The following ATXN1 variants were observed in gnomAD, a reference collection of about 807,000 sequenced individuals.
ATXN1 encodes ataxin-1.
In ATXN1, 8 loss-of-function variants were observed where a neutral mutation model predicts 56.4. The ratio of observed to expected loss-of-function variants is 0.14; its 90% confidence interval spans 0.08 to 0.26. ATXN1 has a LOEUF of 0.26. Ranked by LOEUF, ATXN1 falls within the 10% of genes least tolerant of loss-of-function variation. ATXN1 has a pLI of 1.00. For missense variants in ATXN1, 987 were observed against 1,106.5 expected (o/e 0.89, Z 1.53); for synonymous variants, 514 against 494.6 (o/e 1.04, Z -0.52).
chr6:16,711,999 C>G (rs1054277317), intron 2 of ATXN1, among the ~76,000 whole-genome samples: 1 of 151,918 alleles, frequency 6.6e-6, no homozygotes, highest in Non-Finnish European at 1.5e-5. Flanking sequence ...GTATGAAGCT[C>G]AAGAACAAAC....
At chr6:16,601,497 CT>C (rs5874565) in intron 3 of ATXN1, among the ~76,000 whole-genome samples, 15,797 of 152,110 alleles carry the variant, frequency 0.1, 1,133 homozygotes, top group East Asian at 0.43. Context: ...TAAAATGCAT[CT>C]ATTTTCTATT....
chr6:16,488,568 C>T (rs190362094), intron 5 of ATXN1, among the ~76,000 whole-genome samples: 8 of 152,276 alleles, frequency 5.3e-5, no homozygotes, highest in Non-Finnish European at 1.0e-4. Context: ...TTTTCTTCTT[C>T]CCTATCATCC....
chr6:16,333,741 G>A (rs1186896342), intron 6 of ATXN1, among the ~76,000 whole-genome samples: 1 of 152,216 alleles, frequency 6.6e-6, no homozygotes, highest in African/African-American at 2.4e-5. Flanking sequence ...ATACCTGGGT[G>A]TGAGGACAGA....
chr6:16,323,902 T>C (rs1422371775), intron 7 of ATXN1, among the ~76,000 whole-genome samples: 1 of 152,184 alleles, frequency 6.6e-6, no homozygotes, highest in Non-Finnish European at 1.5e-5. Context: ...AGCTGTATTA[T>C]TATGCCATTT....
At chr6:16,414,827 C>A (rs559758075) in intron 6 of ATXN1, among the ~76,000 whole-genome samples, 36 of 152,278 alleles carry the variant, frequency 2.4e-4, no homozygotes, top group African/African-American at 8.7e-4. Flanking sequence ...TGTTGGTGGA[C>A]TGGAATGTTT....
At chr6:16,446,768 C>A (rs764576775) in intron 6 of ATXN1, among the ~76,000 whole-genome samples, 2 of 151,982 alleles carry the variant, frequency 1.3e-5, no homozygotes, top group Non-Finnish European at 2.9e-5. Flanking sequence ...TCAACAAGTA[C>A]ATAGTCTTAA....
In ATXN1 at chr6:16,299,365, C is replaced by A. The variant is rs1350999702; in HGVS notation, c.*6964G>T. On this transcript the variant is annotated 3_prime_UTR_variant, in exon 8 of 8. Coordinates refer to ENST00000436367, the MANE Select transcript of ATXN1 (RefSeq NM_001128164.2). ...ATTAGAAAATAGAATATGAATTCTTCCATTTTTTAATATTTGTTTAAAAAA... is the reference window on the plus strand; with the variant it reads ...ATTAGAAAATAGAATATGAATTCTTACATTTTTTAATATTTGTTTAAAAAA... 6.6e-6 allele frequency: 1 copy of A among 152,626 alleles called. No homozygotes were observed. The highest frequency in any genetic ancestry group is 6.5e-5 in the Admixed American group (1 of 15,286). The allele number at this position is 152,626 out of a possible 1,614,324, so 9.5% of individuals were successfully genotyped here.
At chr6:16,468,694 T>C (rs1247871082) in intron 6 of ATXN1, among the ~76,000 whole-genome samples, 2 of 152,154 alleles carry the variant, frequency 1.3e-5, no homozygotes, top group African/African-American at 4.8e-5. Flanking sequence ...GAGGCAAAAG[T>C]CACTCCCCTT....
At chr6:16,393,106 T>C (rs1362180684) in intron 6 of ATXN1, among the ~76,000 whole-genome samples, 10 of 152,174 alleles carry the variant, frequency 6.6e-5, no homozygotes, top group Admixed American at 6.5e-4. Context: ...CACAAGCACA[T>C]ATTGACTTTT....
intron 2 of ATXN1, among the ~76,000 whole-genome samples, chr6:16,698,650 T>TAAAAAAAAAAAAAAAAAAA (rs11311429): frequency 7.4e-6 from 1 of 135,352 alleles, no homozygotes. Context: ...CCTCAAAAAT[T>TAAAAAAAAAAAAAAAAAAA]AAAAAAAAAA....
chr6:16,732,984 C>T (rs944663506), intron 2 of ATXN1, among the ~76,000 whole-genome samples: 1 of 152,156 alleles, frequency 6.6e-6, no homozygotes, highest in Admixed American at 6.5e-5. Flanking sequence ...CAACCAAAAC[C>T]AAAAGCCTCT....
intron 6 of ATXN1, among the ~76,000 whole-genome samples, chr6:16,434,160 G>A (rs1055539497): frequency 2.6e-5 from 4 of 152,130 alleles, no homozygotes; most frequent in African/African-American, 9.7e-5. Context: ...ACCCAGTTAA[G>A]TCTTAATTAT....
intron 5 of ATXN1, among the ~76,000 whole-genome samples, chr6:16,499,926 T>C (rs1760851686): frequency 6.6e-6 from 1 of 152,188 alleles, no homozygotes; most frequent in African/African-American, 2.4e-5. Context: ...TACTAATGTC[T>C]GGGTTCCACC....
At chr6:16,699,245 G>T (rs1759232112) in intron 2 of ATXN1, among the ~76,000 whole-genome samples, 1 of 152,208 alleles carries the variant, frequency 6.6e-6, no homozygotes, top group East Asian at 1.9e-4. Context: ...CCAGCAAAAT[G>T]TTGCTGTCAT....
At chr6:16,364,241 A>G (rs1463838712) in intron 6 of ATXN1, among the ~76,000 whole-genome samples, 1 of 152,104 alleles carries the variant, frequency 6.6e-6, no homozygotes, top group Non-Finnish European at 1.5e-5. Context: ...TAATTCCCCA[A>G]ACTGAATTGC....
At chr6:16,357,640 C>A (rs1295712177) in intron 6 of ATXN1, among the ~76,000 whole-genome samples, 1 of 152,160 alleles carries the variant, frequency 6.6e-6, no homozygotes, top group Non-Finnish European at 1.5e-5. Flanking sequence ...ATTACACTTT[C>A]CACTCTACAC....
rs529559451 is a variant in ATXN1 at position 16,347,231 on chromosome 6, C to T, written c.-160-18761G>A. ...CCAAGGACTGAGGAGTGCGGGCGCA[C>T]GGCACTGGCAGGCAGCTCCACCTAC... is the stretch of plus-strand genomic sequence containing the variant. On this transcript the variant is annotated intron_variant, in intron 6 of 7. Transcript: ENST00000436367. Among the ~76,000 whole-genome samples the T allele has an allele frequency of 7.9e-5, 12 of 152,368 alleles. No homozygotes were observed. The South Asian group carries it at 1.9e-3, about 24-fold the overall frequency.
rs150050637 is a variant in ATXN1, at chr6:16,327,998, C to G, written c.313G>C (p.Ala105Pro). ...SVPVATTLPAAYATPQPGTPV... is the reference protein window; with the variant it reads ...SVPVATTLPAPYATPQPGTPV... ...GTCCCTGGCTGCGGGGTGGCGTACG[C>G]GGCAGGCAGCGTGGTGGCCACGGGG... Residue 105 changes from alanine (A) to proline (P), a missense_variant, in exon 7 of 8, where the codon GCG becomes CCG. Around this residue, in one of 3 missense-constraint regions of ATXN1, gnomAD observed 723 missense variants for 791.7 expected, o/e 0.91. Coordinates refer to ENST00000436367, the MANE Select transcript of ATXN1 (RefSeq NM_001128164.2). 5.1e-5 allele frequency: 83 copies of G among 1,613,374 alleles called. No homozygotes were observed. The highest frequency in any genetic ancestry group is 6.6e-5 in the Non-Finnish European group (78 of 1,179,732).
At chr6:16,348,544 C>CA (rs957789064) in intron 6 of ATXN1, among the ~76,000 whole-genome samples, 37 of 151,624 alleles carry the variant, frequency 2.4e-4, no homozygotes, top group Admixed American at 4.6e-4. Context: ...ACTAAAAATA[C>CA]AAAAAAAATT....
Sources: allele counts gnomAD v4.1 joint callset (sites outside exome capture counted in the v4.1 genomes callset), GRCh38; gene constraint gnomAD v4.1.1; regional missense constraint gnomAD v4.1.1; transcripts MANE v1.5; gene names NCBI Gene and HGNC (gene_info 2026-07-23, HGNC 2026-07-21).